The following CTNND2 variants were observed in gnomAD, a reference collection of about 807,000 sequenced individuals.
CTNND2 encodes catenin delta 2.
CTNND2 carries 22 observed loss-of-function variants against 144.4 expected under a neutral mutation model. The observed-to-expected ratio is 0.15, with a 90% CI of 0.11 to 0.22. CTNND2 has a LOEUF of 0.22. Among genes scored for constraint, CTNND2 ranks in the 10% least tolerant of loss-of-function variants. CTNND2 has a pLI of 1.00. For synonymous variants in CTNND2, 751 were observed against 695.6 expected, an observed-to-expected ratio of 1.08 and a Z score of -1.25; for missense variants, 1,353 against 1,618.8, an observed-to-expected ratio of 0.84 and a Z score of 2.82.
intron 12 of CTNND2, among the ~76,000 whole-genome samples, chr5:11,145,503 C>T (rs898124564): frequency 1.2e-4 from 18 of 152,216 alleles, no homozygotes; most frequent in Non-Finnish European, 1.3e-4. Flanking sequence ...TTACACCTGT[C>T]CATATCACAC....
chr5:10,974,848 A>G (rs926775610), intron 21 of CTNND2, among the ~76,000 whole-genome samples: 3 of 152,224 alleles, frequency 2.0e-5, no homozygotes, highest in Admixed American at 6.5e-5. Context: ...AATGCTTTTA[A>G]AGGCTTACAC....
At chr5:11,519,150 C>A (rs1772485298) in intron 3 of CTNND2, among the ~76,000 whole-genome samples, 1 of 152,164 alleles carries the variant, frequency 6.6e-6, no homozygotes, top group African/African-American at 2.4e-5. Context: ...TTCATCTCAA[C>A]ATGCCTAGCA....
chr5:11,897,204 C>A (rs994692561), intron 1 of CTNND2, among the ~76,000 whole-genome samples: 1 of 152,150 alleles, frequency 6.6e-6, no homozygotes, highest in African/African-American at 2.4e-5. Context: ...AGAGGTTGCT[C>A]TTTCTGGAAA....
rs907643815 is a variant in CTNND2, at chr5:11,904,081, C to G, written c.-228G>C. ...CCCGGCCCGGCGGCCCCTCCGAGCT[C>G]GGCGAGCGCAGCGCCCCCTGCCCGG... On this transcript the variant is annotated 5_prime_UTR_variant, in exon 1 of 22. Coordinates refer to ENST00000304623, the MANE Select transcript of CTNND2 (RefSeq NM_001332.4). This position sits in a 1 kb window ranked among gnomAD's most constrained non-coding sequence, Gnocchi z 4.2. 6.4e-5 allele frequency: 14 copies of G among 219,568 alleles called. No individual in the cohort carries two copies. In the East Asian group the frequency reaches 8.6e-4, roughly 14 times the overall value. 13.6% of individuals were successfully genotyped at this position (219,568 alleles called of 1,614,324 possible). A position where few individuals can be genotyped will look rare whatever the true frequency, so the allele number is the denominator to read the frequency against.
Position 11,117,555 on chromosome 5 carries a change from C to G in CTNND2, c.2172G>C (p.Ser724=). 1 of 1,614,012 alleles carries G rather than the reference C, an allele frequency of 6.2e-7. No homozygotes were observed. The highest frequency in any genetic ancestry group is 1.1e-5 in the South Asian group (1 of 91,080). Residue 724 remains serine (S), a synonymous_variant, in exon 13 of 22, where the codon TCG becomes TCC. Transcript: ENST00000304623. ...TCCTTCTGCGGGCCTCCTCTCCGGC[C>G]GAACTAACATTCCTGCAAAGCAAAA... ...NATGCLRNVS[S]AGEEARRRMR... is the part of the protein sequence containing the mutation.
In CTNND2 at chr5:11,522,897, A is replaced by G. The variant is rs181395646; in HGVS notation, c.287+42047T>C. On this transcript the variant is annotated intron_variant, in intron 3 of 21. Transcript: ENST00000304623. ...CTACACATACACATGTATTTTTGCAAAGAAGCACCCATGCGTTTGAATTAC... is the reference window on the plus strand; with the variant it reads ...CTACACATACACATGTATTTTTGCAGAGAAGCACCCATGCGTTTGAATTAC... Among the ~76,000 whole-genome samples, 366 of 152,332 alleles carry G rather than the reference A, an allele frequency of 2.4e-3. 2 individuals carry two copies. The highest frequency in any genetic ancestry group is 8.4e-3 in the African/African-American group (349 of 41,578).
intron 3 of CTNND2, among the ~76,000 whole-genome samples, chr5:11,480,383 A>C (rs911683646): frequency 6.6e-6 from 1 of 152,154 alleles, no homozygotes; most frequent in Non-Finnish European, 1.5e-5. Flanking sequence ...CCAGCAGTAA[A>C]ACACAGACTG....
At position 11,430,451 on chromosome 5, in the gene CTNND2, GA is replaced by G. The variant is rs1345570785; in HGVS notation, c.288-18383del. On this transcript the variant is annotated intron_variant, in intron 3 of 21. Coordinates refer to ENST00000304623, the MANE Select transcript of CTNND2 (RefSeq NM_001332.4). ...AAAAAAAAAAAAAAGAGCTTACAGA[GA>G]ATAAAAAGCATGTTTCCTTTCCTTT... 6.9e-5 allele frequency among the ~76,000 whole-genome samples: 10 copies of G among 144,792 alleles called. No individual in the cohort carries two copies. The East Asian group carries it at 2.0e-3, about 29-fold the overall frequency. The allele number at this position is 144,792 out of a possible 152,430, so 95.0% of individuals were successfully genotyped here.
chr5:11,691,435 C>A (rs1784906145), intron 2 of CTNND2, among the ~76,000 whole-genome samples: 2 of 150,886 alleles, frequency 1.3e-5, no homozygotes. Context: ...AATGATATGT[C>A]TGGCTAACAG....
At chr5:11,444,484 A>G (rs1581210815) in intron 3 of CTNND2, among the ~76,000 whole-genome samples, 2 of 152,136 alleles carry the variant, frequency 1.3e-5, no homozygotes, top group South Asian at 4.1e-4. Context: ...ATGCAAAAAT[A>G]AGGAAGTATA....
rs852601 is a variant in CTNND2 at position 10,971,945 on chromosome 5, C to G, written c.*1508G>C. On this transcript the variant is annotated 3_prime_UTR_variant, in exon 22 of 22. Coordinates refer to ENST00000304623, the MANE Select transcript of CTNND2 (RefSeq NM_001332.4). ...AAGAGCAAAGCTAGTTTACCCGCGG[C>G]CCATGTTCTTTTCGATGGTTAGCCT... 1 of 152,610 alleles carries G rather than the reference C, an allele frequency of 6.6e-6. No homozygotes were observed. The highest frequency in any genetic ancestry group is 1.5e-5 in the Non-Finnish European group (1 of 68,036). 9.5% of individuals were successfully genotyped at this position (152,610 alleles called of 1,614,324 possible). A position where few individuals can be genotyped will look rare whatever the true frequency, so the allele number is the denominator to read the frequency against.
In CTNND2 at chr5:11,903,801, C is replaced by G. The variant is rs981948335; in HGVS notation, c.37+16G>C. 7 of 1,479,670 alleles carry G rather than the reference C, an allele frequency of 4.7e-6. No homozygotes were observed. In the African/African-American group the frequency reaches 7.3e-5, roughly 15 times the overall value. 91.7% of individuals were successfully genotyped at this position (1,479,670 alleles called of 1,614,324 possible). Reference sequence around the variant, plus strand: ...GAGGCTGCGCCCGGCCCCGGCCGCCCAGCCCCGCAACTCACCCAAAGGCGC... The same window carrying G: ...GAGGCTGCGCCCGGCCCCGGCCGCCGAGCCCCGCAACTCACCCAAAGGCGC... On this transcript the variant is annotated intron_variant, in intron 1 of 21. Coordinates refer to ENST00000304623, the MANE Select transcript of CTNND2 (RefSeq NM_001332.4). This position sits in a 1 kb window ranked among gnomAD's most constrained non-coding sequence, Gnocchi z 5.4.
chr5:10,985,724 G>A (rs559840179), intron 20 of CTNND2, among the ~76,000 whole-genome samples: 11 of 152,232 alleles, frequency 7.2e-5, no homozygotes, highest in Non-Finnish European at 1.5e-4. Flanking sequence ...TGCTTTTGAT[G>A]TTGGGGCCAC....
chr5:11,406,785 T>C (rs1761134027), intron 5 of CTNND2, among the ~76,000 whole-genome samples: 1 of 151,858 alleles, frequency 6.6e-6, no homozygotes, highest in East Asian at 1.9e-4. Context: ...CCTGAATATA[T>C]TTAAAAATAT....
intron 11 of CTNND2, among the ~76,000 whole-genome samples, chr5:11,166,327 C>T (rs554591884): frequency 3.4e-5 from 5 of 149,066 alleles, no homozygotes; most frequent in Admixed American, 1.3e-4. Flanking sequence ...CGGCTCACTG[C>T]AAGCTCTGCC....
Position 11,717,212 on chromosome 5 carries a change from A to AT in CTNND2, c.174+14923dup, listed in dbSNP as rs534572761. Among the ~76,000 whole-genome samples the AT allele has an allele frequency of 4.1e-3, 629 of 152,094 alleles. 4 individuals carry two copies. Among genetic ancestry groups the AT allele is most frequent in the Middle Eastern group, 0.02 (6 of 294 alleles). Reference sequence around the variant, plus strand: ...CTAGAAATTTTGTTATGAAATAGTGATTTTTTGAAAAGACAGAAAATGAGT... The same window carrying AT: ...CTAGAAATTTTGTTATGAAATAGTGATTTTTTTGAAAAGACAGAAAATGAGT... On this transcript the variant is annotated intron_variant, in intron 2 of 21. Transcript: ENST00000304623.
chr5:11,401,758 G>A (rs1288423142), intron 5 of CTNND2, among the ~76,000 whole-genome samples: 7 of 152,148 alleles, frequency 4.6e-5, no homozygotes, highest in Admixed American at 1.3e-4. Flanking sequence ...ACAGTTACTC[G>A]TGGGCCTGGG....
chr5:11,670,781 T>C (rs529207361), intron 2 of CTNND2, among the ~76,000 whole-genome samples: 12 of 152,288 alleles, frequency 7.9e-5, no homozygotes, highest in South Asian at 6.2e-4. Context: ...TTATATTTAA[T>C]GTTAATATTG....
chr5:11,307,763 G>T (rs1024986451), intron 9 of CTNND2, among the ~76,000 whole-genome samples: 4 of 152,158 alleles, frequency 2.6e-5, no homozygotes, highest in South Asian at 2.1e-4. Flanking sequence ...TCATAGTGCT[G>T]CCTGTTAAAA....
Sources: allele counts gnomAD v4.1 joint callset (sites outside exome capture counted in the v4.1 genomes callset), GRCh38; gene constraint gnomAD v4.1.1; non-coding constraint Gnocchi (gnomAD v3.1); transcripts MANE v1.5; gene names NCBI Gene and HGNC (gene_info 2026-07-23, HGNC 2026-07-21).